SAMD3: variants seen among roughly 807,000 people sequenced by gnomAD.
The protein encoded by SAMD3 is sterile alpha motif domain containing 3.
Under a neutral mutation model 58.5 loss-of-function variants are expected in SAMD3, and 63 were observed. The ratio of observed to expected loss-of-function variants is 1.08; its 90% CI spans 0.88 to 1.33. The LOEUF (loss-of-function observed/expected upper bound fraction) is 1.33. Among genes scored for constraint, SAMD3 ranks in the 40% most tolerant of loss-of-function variants. The pLI is 0.00. For synonymous variants in SAMD3, 220 were observed against 210.3 expected, an observed-to-expected ratio of 1.05 and a Z score of -0.40; for missense variants, 604 against 608.4, an observed-to-expected ratio of 0.99 and a Z score of 0.08.
intron 2 of SAMD3, among the ~76,000 whole-genome samples, chr6:130,266,347 T>C (rs1774356772): frequency 6.6e-6 from 1 of 152,118 alleles, no homozygotes; most frequent in Non-Finnish European, 1.5e-5. Flanking sequence ...TCAATGGCCA[T>C]AGGAAGCCCA....
At chr6:130,313,611 T>A (rs1776262268) in intron 1 of SAMD3, among the ~76,000 whole-genome samples, 2 of 152,238 alleles carry the variant, frequency 1.3e-5, no homozygotes, top group African/African-American at 4.8e-5. Flanking sequence ...CTTTCACCAA[T>A]GCCACCCCAC....
rs139217645 is a variant in SAMD3, at chr6:130,249,683, C to T, written c.-187-26870G>A. 2.8e-4 allele frequency among the ~76,000 whole-genome samples: 43 copies of T among 152,218 alleles called. No individual in the cohort carries two copies. In the East Asian group the frequency reaches 7.5e-3, roughly 27 times the overall value. The stretch of plus-strand genomic sequence containing the variant: ...TACAGTCTGTACTATCTAAAAATTA[C>T]ACTCCAGACCCACCTAGTAAGCAAT... On this transcript the variant is annotated intron_variant, in intron 2 of 13. Coordinates refer to the SAMD3 transcript ENST00000368134.
At chr6:130,207,058 A>G (rs1795144667) in intron 5 of SAMD3, among the ~76,000 whole-genome samples, 1 of 150,930 alleles carries the variant, frequency 6.6e-6, no homozygotes, top group Admixed American at 6.6e-5. Context: ...CTAAGGCGGG[A>G]GGATTTCCGG....
At chr6:130,261,948 A>G (rs1467826228) in intron 2 of SAMD3, among the ~76,000 whole-genome samples, 1 of 151,878 alleles carries the variant, frequency 6.6e-6, no homozygotes, top group Non-Finnish European at 1.5e-5. Context: ...AGAGAGACAG[A>G]GAGAGAGACA....
At position 130,205,003 on chromosome 6, in the gene SAMD3, C is replaced by T. The variant is rs576571537; in HGVS notation, c.383+4492G>A. Among the ~76,000 whole-genome samples the T allele has an allele frequency of 3.9e-5, 6 of 151,910 alleles. 1 individual carries two copies. Among genetic ancestry groups the T allele is most frequent in the African/African-American group, 1.4e-4 (6 of 41,430 alleles). ...AAGTGGAGGAGTCAGGATTTGAACC[C>T]AATGTGTAAGACTCCAAAAGCTGGC... On this transcript the variant is annotated intron_variant, in intron 5 of 11. Coordinates refer to ENST00000439090, the MANE Select transcript of SAMD3 (RefSeq NM_001017373.4).
chr6:130,144,736 TAAAG>T lies in SAMD3; in HGVS notation c.1343_1346del (p.Ser448TyrfsTer3), dbSNP rs1788460095. 2 of 1,613,866 alleles carry T rather than the reference TAAAG, an allele frequency of 1.2e-6. No individual in the cohort carries two copies. The highest frequency in any genetic ancestry group is 2.7e-5 in the African/African-American group (2 of 74,898). ...TTGTGAGCCTCTCCCTTTCTAAATA[TAAAG>T]AAAATTCGCAGACCTCCATGTTGAA... On this transcript the variant is annotated frameshift_variant, in exon 12 of 12. Coordinates refer to ENST00000439090, the MANE Select transcript of SAMD3 (RefSeq NM_001017373.4). LOFTEE classifies it high-confidence loss of function.
At chr6:130,226,279 G>A (rs1796380463), upstream of SAMD3, among the ~76,000 whole-genome samples, 1 of 152,192 alleles carries the variant, frequency 6.6e-6, no homozygotes, top group African/African-American at 2.4e-5. Flanking sequence ...AACAAGGGGT[G>A]TACTTCATGA....
chr6:130,167,941 G>A (rs1790871288), intron 8 of SAMD3, among the ~76,000 whole-genome samples: 1 of 152,230 alleles, frequency 6.6e-6, no homozygotes, highest in Admixed American at 6.5e-5. Flanking sequence ...ACTCAGGTAT[G>A]TTGACTCACA....
At chr6:130,193,512 T>C (rs1408466405) in intron 5 of SAMD3, among the ~76,000 whole-genome samples, 1 of 152,104 alleles carries the variant, frequency 6.6e-6, no homozygotes, top group Non-Finnish European at 1.5e-5. Flanking sequence ...CCCGCTTTTC[T>C]GGAGGGTAAG....
In SAMD3 at chr6:130,318,205, T is replaced by A. The variant is rs546707946; in HGVS notation, c.-303-5112A>T. Among the ~76,000 whole-genome samples, 3 of 152,252 alleles carry A rather than the reference T, an allele frequency of 2.0e-5. No individual in the cohort carries two copies. The East Asian group carries it at 5.8e-4, about 29-fold the overall frequency. On this transcript the variant is annotated intron_variant, in intron 1 of 13. Transcript: ENST00000368134. ...TTCAGTGGGCATTTGAGTAGAGTAC[T>A]CAGAAGAATTTTGCCTCATTAGTAC... is the stretch of plus-strand genomic sequence containing the variant.
chr6:130,350,333 A>C, intron 1 of SAMD3, among the ~76,000 whole-genome samples: 1 of 152,152 alleles, frequency 6.6e-6, no homozygotes, highest in Non-Finnish European at 1.5e-5. Flanking sequence ...CCATCATCTC[A>C]GCCAAAAATC....
At chr6:130,232,403 C>T (rs762612041) in intron 2 of SAMD3, among the ~76,000 whole-genome samples, 2 of 152,176 alleles carry the variant, frequency 1.3e-5, no homozygotes, top group African/African-American at 2.4e-5. Context: ...TCTTTACAGG[C>T]TGTCTTACTA....
chr6:130,288,071 G>T (rs1775224917), intron 2 of SAMD3, among the ~76,000 whole-genome samples: 1 of 152,182 alleles, frequency 6.6e-6, no homozygotes, highest in South Asian at 2.1e-4. Flanking sequence ...ACCATTTTGT[G>T]AAAAATATTA....
intron 1 of SAMD3, among the ~76,000 whole-genome samples, chr6:130,319,398 C>T (rs970855226): frequency 1.6e-4 from 24 of 151,810 alleles, no homozygotes; most frequent in African/African-American, 2.4e-4. Flanking sequence ...AAGCCCGAAG[C>T]GAAAGACACA....
At chr6:130,303,236 A>G (rs1775811086) in intron 2 of SAMD3, among the ~76,000 whole-genome samples, 1 of 152,096 alleles carries the variant, frequency 6.6e-6, no homozygotes, top group African/African-American at 2.4e-5. Context: ...TCATCTCCAG[A>G]ATCACAAATC....
At chr6:130,234,936 G>A (rs150968076) in intron 2 of SAMD3, among the ~76,000 whole-genome samples, 4 of 152,280 alleles carry the variant, frequency 2.6e-5, no homozygotes, top group East Asian at 3.9e-4. Flanking sequence ...AACATAGGGA[G>A]ACCCTGTTTC....
At chr6:130,154,798 G>C in intron 9 of SAMD3, 27 bp downstream of exon 9, 1 of 1,251,854 alleles carries the variant, frequency 8.0e-7, no homozygotes, top group South Asian at 1.2e-5. Context: ...ATATATGTGT[G>C]TGTATATATA....
At position 130,195,097 on chromosome 6, in the gene SAMD3, T is replaced by A. The variant is rs1793965720; in HGVS notation, c.384-10474A>T. On this transcript the variant is annotated intron_variant, in intron 5 of 11. Transcript: ENST00000439090. ...TATCCCCACCTGCCCAGTTCCCTTA[T>A]TAGGCTGAGGCACTTTAACTAAATT... 1.3e-5 allele frequency among the ~76,000 whole-genome samples: 2 copies of A among 152,174 alleles called. 1 individual carries two copies. The highest frequency in any genetic ancestry group is 2.9e-5 in the Non-Finnish European group (2 of 68,040).
At position 130,247,466 on chromosome 6, in the gene SAMD3, C is replaced by CA. The variant is rs1381371663; in HGVS notation, c.-187-24654dup. 6.1e-3 allele frequency among the ~76,000 whole-genome samples: 485 copies of CA among 79,980 alleles called. 4 individuals carry two copies. Among genetic ancestry groups the CA allele is most frequent in the Middle Eastern group, 0.014 (2 of 140 alleles). 52.5% of individuals were successfully genotyped at this position (79,980 alleles called of 152,430 possible). ...TGGAGGACAGAGTGAGACTCCATCT[C>CA]AAAAAAAAAAAAAAAGGAAAATGTT... On this transcript the variant is annotated intron_variant, in intron 2 of 13. Coordinates refer to the SAMD3 transcript ENST00000368134.
Sources: allele counts gnomAD v4.1 joint callset (sites outside exome capture counted in the v4.1 genomes callset), GRCh38; gene constraint gnomAD v4.1.1; transcripts MANE v1.5; gene names NCBI Gene and HGNC (gene_info 2026-07-23, HGNC 2026-07-21).